The following RASA2 variants were observed in gnomAD, a reference collection of about 807,000 sequenced individuals.
RASA2 encodes ras GTPase-activating protein 2.
A neutral mutation model predicts 118.2 loss-of-function variants in RASA2; 155 were observed. The ratio of observed to expected loss-of-function variants is 1.31; its 90% CI spans 1.15 to 1.50. RASA2 has a LOEUF of 1.50. RASA2 is among the 40% of genes most tolerant of loss of function. RASA2 has a pLI of 0.00. For missense variants in RASA2, 1,016 were observed against 1,009.6 expected, an observed-to-expected ratio of 1.01 and a Z score of -0.09; for synonymous variants, 353 against 349.1, an observed-to-expected ratio of 1.01 and a Z score of -0.12.
chr3:141,608,725 G>A (rs779565959), intron 21 of RASA2, 28 bp downstream of exon 21: 3 of 1,586,356 alleles, frequency 1.9e-6, no homozygotes, highest in Non-Finnish European at 2.6e-6. Flanking sequence ...TATAAAAGCA[G>A]TGTGTCAAAA....
intron 19 of RASA2, among the ~76,000 whole-genome samples, chr3:141,602,547 C>T (rs529481326): frequency 6.6e-6 from 1 of 152,234 alleles, no homozygotes; most frequent in Non-Finnish European, 1.5e-5. Context: ...ATTTTGGGGA[C>T]CCCTCTTTTA....
At chr3:141,603,246 C>T (rs567008548) in intron 19 of RASA2, among the ~76,000 whole-genome samples, 3 of 152,210 alleles carry the variant, frequency 2.0e-5, no homozygotes, top group African/African-American at 7.2e-5. Flanking sequence ...TGTAGTTGGA[C>T]ATTCATTTTT....
intron 4 of RASA2, among the ~76,000 whole-genome samples, chr3:141,536,648 A>G (rs2151099156): frequency 6.6e-6 from 1 of 152,352 alleles, no homozygotes; most frequent in South Asian, 2.1e-4. Flanking sequence ...TTTCTGACAT[A>G]CATGAAAAGT....
chr3:141,493,983 CA>C (rs1214881970), intron 1 of RASA2, among the ~76,000 whole-genome samples: 1 of 152,154 alleles, frequency 6.6e-6, no homozygotes, highest in Non-Finnish European at 1.5e-5. Context: ...GATTTTTTCA[CA>C]TTCACATAAA....
At chr3:141,597,067 T>A (rs570556882) in intron 19 of RASA2, among the ~76,000 whole-genome samples, 2 of 152,130 alleles carry the variant, frequency 1.3e-5, no homozygotes, top group South Asian at 4.1e-4. Flanking sequence ...AGCTGGTGAA[T>A]GGGTAAATAA....
chr3:141,504,832 C>T (rs920339457), intron 1 of RASA2, among the ~76,000 whole-genome samples: 2 of 152,286 alleles, frequency 1.3e-5, no homozygotes, highest in African/African-American at 4.8e-5. Context: ...ACTATCTCCT[C>T]CCTCTCCCCA....
intron 6 of RASA2, among the ~76,000 whole-genome samples, chr3:141,555,035 GT>G (rs754574622): frequency 1.3e-5 from 2 of 152,164 alleles, no homozygotes; most frequent in African/African-American, 2.4e-5. Flanking sequence ...GCCGAGGCGG[GT>G]GGATTACCTG....
At chr3:141,504,114 C>T (rs1014298706) in intron 1 of RASA2, among the ~76,000 whole-genome samples, 8 of 152,164 alleles carry the variant, frequency 5.3e-5, no homozygotes, top group African/African-American at 1.9e-4. Context: ...TCCCCTTCCT[C>T]AAGAAGTTTA....
intron 9 of RASA2, among the ~76,000 whole-genome samples, chr3:141,563,067 A>T (rs1480743521): frequency 3.3e-5 from 5 of 152,180 alleles, no homozygotes; most frequent in Non-Finnish European, 7.4e-5. Context: ...CTCAATTTTA[A>T]TTACACAGAC....
intron 19 of RASA2, among the ~76,000 whole-genome samples, chr3:141,602,374 A>G (rs2107795037): frequency 6.6e-6 from 1 of 152,290 alleles, no homozygotes; most frequent in South Asian, 2.1e-4. Context: ...GATCTGTTGC[A>G]TGCTCGTTTC....
At chr3:141,564,469 CTAGAGTAATAAAAAAGGATTCCAAAGAGG>C (rs775181321) in intron 9 of RASA2, among the ~76,000 whole-genome samples, 7 of 152,088 alleles carry the variant, frequency 4.6e-5, no homozygotes, top group Non-Finnish European at 1.0e-4. Context: ...AAAGATTCAT[CTAGAGTAATAAAAAAGGATTCCAAAGAGG>C]TAGGCATGGT....
chr3:141,559,744 G>T, intron 8 of RASA2, 150 bp from the exon 9 acceptor site: 2 of 583,336 alleles, frequency 3.4e-6, no homozygotes, highest in South Asian at 2.4e-5. Context: ...CTCTAGTCTG[G>T]ATAGTGAGGT....
At chr3:141,580,512 C>A in intron 16 of RASA2, 61 bp downstream of exon 16, 1 of 1,311,514 alleles carries the variant, frequency 7.6e-7, no homozygotes, top group Admixed American at 2.0e-5. Flanking sequence ...ATCCTATGAT[C>A]CCTTATCCTT....
At chr3:141,581,417 A>T (rs2083111780) in intron 17 of RASA2, among the ~76,000 whole-genome samples, 1 of 152,212 alleles carries the variant, frequency 6.6e-6, no homozygotes, top group African/African-American at 2.4e-5. Flanking sequence ...CAAATTACAG[A>T]TGTCTAGGGT....
chr3:141,575,786 T>G (rs111742352), intron 14 of RASA2, among the ~76,000 whole-genome samples: 2,018 of 152,300 alleles, frequency 0.013, 36 homozygotes, highest in African/African-American at 0.046. Flanking sequence ...GGGGTTTTTT[T>G]GGGTTTTGTT....
At position 141,571,235 on chromosome 3, in the gene RASA2, A is replaced by G. The variant is rs142022306; in HGVS notation, c.1020+167A>G. Among the ~76,000 whole-genome samples the G allele has an allele frequency of 1.3e-3, 201 of 152,338 alleles. 4 individuals carry two copies. Among genetic ancestry groups the G allele is most frequent in the Admixed American group, 9.1e-3 (139 of 15,302 alleles). On this transcript the variant is annotated intron_variant, in intron 10 of 23. Coordinates refer to ENST00000286364, the MANE Select transcript of RASA2 (RefSeq NM_006506.5). ...TTCTATTTATCTGAACCAGAGTACT[A>G]TGATTCCTACATGTGCTCCCACAAT...
At chr3:141,603,192 C>G (rs942566798) in intron 19 of RASA2, among the ~76,000 whole-genome samples, 1 of 152,138 alleles carries the variant, frequency 6.6e-6, no homozygotes, top group African/African-American at 2.4e-5. Flanking sequence ...ATCAAAAATA[C>G]AGTCATGGTA....
chr3:141,609,553 A>G, intron 22 of RASA2, 30 bp downstream of exon 22: 1 of 1,448,222 alleles, frequency 6.9e-7, no homozygotes, highest in South Asian at 1.2e-5. Flanking sequence ...TTATATAACC[A>G]TAATCTTTCA....
At chr3:141,601,900 A>G (rs1320002862) in intron 19 of RASA2, among the ~76,000 whole-genome samples, 1 of 152,068 alleles carries the variant, frequency 6.6e-6, no homozygotes, top group African/African-American at 2.4e-5. Flanking sequence ...TTTTTACTTA[A>G]GTTCACTGAT....
Sources: gnomAD v4.1 joint callset for allele counts (sites outside exome capture counted in the v4.1 genomes callset) on GRCh38, gnomAD v4.1.1 for gene constraint, MANE v1.5 for transcripts, NCBI Gene and HGNC (gene_info 2026-07-23, HGNC 2026-07-21) for gene names.